Variants in CCDC85A observed in about 807,000 individuals in gnomAD.
CCDC85A encodes the protein coiled-coil domain containing 85A.
In CCDC85A, 38 loss-of-function variants were observed where a neutral mutation model predicts 50.2. That is an observed-to-expected ratio of 0.76 (90% confidence interval 0.58 to 0.99). CCDC85A has a LOEUF of 0.99. CCDC85A is among the 50% of genes least tolerant of loss of function. The probability of loss-of-function intolerance (pLI) is 0.00; values close to 1 mark genes in which losing one functional copy is unlikely to be tolerated. For synonymous variants in CCDC85A, 366 were observed against 301.4 expected, an observed-to-expected ratio of 1.21 and a Z score of -2.22; for missense variants, 820 against 742.0, an observed-to-expected ratio of 1.11 and a Z score of -1.22.
At chr2:56,304,464 G>A (rs1174029010) in intron 2 of CCDC85A, among the ~76,000 whole-genome samples, 1 of 152,024 alleles carries the variant, frequency 6.6e-6, no homozygotes, top group Non-Finnish European at 1.5e-5. Context: ...GAGTTCACCG[G>A]GCCAAGTAGA....
chr2:56,239,567 A>G (rs1394299419), intron 2 of CCDC85A, among the ~76,000 whole-genome samples: 2 of 152,116 alleles, frequency 1.3e-5, no homozygotes, highest in Non-Finnish European at 2.9e-5. Context: ...CACACTATTT[A>G]CTTGGGAAAT....
At chr2:56,342,701 C>T (rs981742689) in intron 2 of CCDC85A, among the ~76,000 whole-genome samples, 178 bp from the exon 3 acceptor site, 1 of 152,010 alleles carries the variant, frequency 6.6e-6, no homozygotes, top group Admixed American at 6.6e-5. Context: ...TTGTTCAAAA[C>T]TGTTTTTAGT....
At chr2:56,245,929 G>A (rs1438603104) in intron 2 of CCDC85A, among the ~76,000 whole-genome samples, 1 of 152,140 alleles carries the variant, frequency 6.6e-6, no homozygotes, top group Admixed American at 6.5e-5. Flanking sequence ...TTTTTATTCT[G>A]TATAAATTAC....
intron 3 of CCDC85A, among the ~76,000 whole-genome samples, chr2:56,369,200 T>C (rs1479575184): frequency 6.6e-6 from 1 of 152,138 alleles, no homozygotes; most frequent in African/African-American, 2.4e-5. Context: ...AGTTAAATGG[T>C]CTATTTTTTT....
At chr2:56,237,727 A>G (rs897926829) in intron 2 of CCDC85A, among the ~76,000 whole-genome samples, 6 of 120,458 alleles carry the variant, frequency 5.0e-5, no homozygotes, top group Non-Finnish European at 8.4e-5. Flanking sequence ...ATGCTGTACT[A>G]ACCCTAACCA....
At chr2:56,186,735 T>G (rs925214428) in intron 1 of CCDC85A, among the ~76,000 whole-genome samples, 1 of 152,162 alleles carries the variant, frequency 6.6e-6, no homozygotes, top group African/African-American at 2.4e-5. Flanking sequence ...GTGTGATGTC[T>G]GTGTGTGGGT....
intron 3 of CCDC85A, among the ~76,000 whole-genome samples, chr2:56,367,075 G>A (rs978870501): frequency 6.6e-6 from 1 of 152,076 alleles, no homozygotes; most frequent in African/African-American, 2.4e-5. Flanking sequence ...TGTTAAGTAA[G>A]CTTTATGATC....
intron 2 of CCDC85A, among the ~76,000 whole-genome samples, chr2:56,280,381 T>A (rs998510412): frequency 1.3e-5 from 2 of 152,180 alleles, no homozygotes; most frequent in African/African-American, 4.8e-5. Context: ...TGTTTGAAAA[T>A]GCATCATAGC....
intron 3 of CCDC85A, among the ~76,000 whole-genome samples, chr2:56,358,107 G>A (rs1675328296): frequency 6.6e-6 from 1 of 152,132 alleles, no homozygotes; most frequent in African/African-American, 2.4e-5. Flanking sequence ...TGACACTTTT[G>A]CATCTCTTGA....
At chr2:56,375,227 A>G (rs1676275689) in intron 4 of CCDC85A, among the ~76,000 whole-genome samples, 1 of 152,220 alleles carries the variant, frequency 6.6e-6, no homozygotes, top group African/African-American at 2.4e-5. Flanking sequence ...AAGTTGAAGA[A>G]CCACTAAACT....
chr2:56,382,555 C>G (rs936420640), intron 5 of CCDC85A, among the ~76,000 whole-genome samples: 2 of 151,968 alleles, frequency 1.3e-5, no homozygotes, highest in African/African-American at 4.8e-5. Flanking sequence ...CTGTTTGGCT[C>G]TTGTAAATTC....
intron 2 of CCDC85A, among the ~76,000 whole-genome samples, chr2:56,268,882 T>C (rs1027509328): frequency 2.0e-5 from 3 of 152,174 alleles, no homozygotes; most frequent in Non-Finnish European, 2.9e-5. Flanking sequence ...TTGAGCTTTT[T>C]TTGTTATTGT....
At chr2:56,251,472 C>T (rs1035065094) in intron 2 of CCDC85A, among the ~76,000 whole-genome samples, 1 of 152,142 alleles carries the variant, frequency 6.6e-6, no homozygotes, top group Non-Finnish European at 1.5e-5. Flanking sequence ...TCTACAAATG[C>T]TTATTTTCTG....
intron 2 of CCDC85A, among the ~76,000 whole-genome samples, chr2:56,212,346 A>G (rs1333184618): frequency 2.6e-5 from 4 of 152,008 alleles, no homozygotes; most frequent in Non-Finnish European, 5.9e-5. Flanking sequence ...TTGGCTTGGC[A>G]TAAGTAGGGC....
intron 2 of CCDC85A, among the ~76,000 whole-genome samples, chr2:56,245,267 C>G (rs1669450764): frequency 6.6e-6 from 1 of 152,224 alleles, no homozygotes; most frequent in South Asian, 2.1e-4. Context: ...GGGTGATTCC[C>G]TTCTTTCCAG....
At chr2:56,220,541 G>A (rs535453956) in intron 2 of CCDC85A, among the ~76,000 whole-genome samples, 4 of 152,170 alleles carry the variant, frequency 2.6e-5, no homozygotes, top group Non-Finnish European at 4.4e-5. Flanking sequence ...CACAGACAGG[G>A]AGTGGTTCTT....
chr2:56,355,432 C>A (rs1675174667), intron 3 of CCDC85A, among the ~76,000 whole-genome samples: 1 of 152,172 alleles, frequency 6.6e-6, no homozygotes, highest in Admixed American at 6.5e-5. Context: ...TGGGAGAACT[C>A]TTTGTCCTCA....
At chr2:56,331,571 G>T (rs1178383304) in intron 2 of CCDC85A, among the ~76,000 whole-genome samples, 3 of 152,128 alleles carry the variant, frequency 2.0e-5, no homozygotes, top group African/African-American at 7.2e-5. Context: ...TGGGAAGATT[G>T]GGGGGTTGAA....
At chr2:56,281,504 T>C (rs1430272198) in intron 2 of CCDC85A, among the ~76,000 whole-genome samples, 1 of 152,184 alleles carries the variant, frequency 6.6e-6, no homozygotes, top group African/African-American at 2.4e-5. Context: ...GCCAAATAGC[T>C]TCTGAAAGTG....
Sources: gnomAD v4.1 joint callset for allele counts (sites outside exome capture counted in the v4.1 genomes callset) on GRCh38, gnomAD v4.1.1 for gene constraint, MANE v1.5 for transcripts, NCBI Gene and HGNC (gene_info 2026-07-23, HGNC 2026-07-21) for gene names.